The following KLRF1 variants were observed in gnomAD, a reference collection of about 807,000 sequenced individuals.
KLRF1 encodes the protein killer cell lectin like receptor F1.
KLRF1 carries 27 observed loss-of-function variants against 30.7 expected under a neutral mutation model. The ratio of observed to expected loss-of-function variants is 0.88; its 90% CI spans 0.65 to 1.21. The LOEUF is 1.21. Among genes scored for constraint, KLRF1 ranks in the 50% most tolerant of loss-of-function variants. The pLI, the probability that KLRF1 is intolerant of heterozygous loss-of-function variation, is 0.00. For synonymous variants in KLRF1, 92 were observed against 89.3 expected (o/e 1.03, Z -0.17); for missense variants, 246 against 259.3 (o/e 0.95, Z 0.35).
chr12:9,839,538 C>A (rs1339885627), intron 3 of KLRF1, among the ~76,000 whole-genome samples: 1 of 151,832 alleles, frequency 6.6e-6, no homozygotes, highest in Non-Finnish European at 1.5e-5. Context: ...AAAACACAAC[C>A]CAGTTTAAAA....
At chr12:9,821,934 G>A in the KLRF1 span, among the ~76,000 whole-genome samples, 1 of 152,148 alleles carries the variant, frequency 6.6e-6, no homozygotes, top group Non-Finnish European at 1.5e-5. Flanking sequence ...TCCACTATGA[G>A]ACCAAAGACA....
intron 4 of KLRF1, 46 bp from the exon 5 acceptor site, chr12:9,842,275 A>G: frequency 6.2e-7 from 1 of 1,601,600 alleles, no homozygotes; most frequent in South Asian, 1.1e-5. Context: ...AGTGTGTCTG[A>G]ATTGCTAAAA....
In KLRF1 at chr12:9,827,633, T is replaced by A. The variant is rs1047788414; in HGVS notation, c.85+4T>A. The A allele has an allele frequency of 5.7e-6, 9 of 1,573,060 alleles. No homozygotes were observed. The highest frequency in any genetic ancestry group is 7.9e-6 in the Non-Finnish European group (9 of 1,145,278). Reference sequence around the variant, plus strand: ...ACATCTCAACTTACATTTAAAGGTATGGAATTTAATTTCATTTTTTCAATT... The same window carrying A: ...ACATCTCAACTTACATTTAAAGGTAAGGAATTTAATTTCATTTTTTCAATT... On this transcript the variant is annotated splice_donor_region_variant and intron_variant, in intron 1 of 5. Transcript: ENST00000617889.
Position 9,833,858 on chromosome 12 carries a change from T to C in KLRF1, c.334+406T>C, listed in dbSNP as rs1867505018. On this transcript the variant is annotated intron_variant, in intron 3 of 5. Coordinates refer to ENST00000617889, the MANE Select transcript of KLRF1 (RefSeq NM_016523.3). The stretch of plus-strand genomic sequence containing the variant: ...CTTTTAAGCTTAGAAATTCCAGTCA[T>C]ACAGAATTTTGAAAACATTACCTTC... 4.6e-5 allele frequency among the ~76,000 whole-genome samples: 7 copies of C among 150,688 alleles called. No homozygotes were observed. The South Asian group carries it at 1.5e-3, about 32-fold the overall frequency.
At chr12:9,838,150 G>T (rs113745128) in intron 3 of KLRF1, among the ~76,000 whole-genome samples, 1 of 152,146 alleles carries the variant, frequency 6.6e-6, no homozygotes, top group African/African-American at 2.4e-5. Context: ...TCCATGAACG[G>T]CAGGATCCTG....
At chr12:9,816,516 G>A in the KLRF1 span, among the ~76,000 whole-genome samples, 31,947 of 151,244 alleles carry the variant, frequency 0.21, 3,570 homozygotes, top group South Asian at 0.28. Context: ...TCAATACCCT[G>A]GTTAGCCAGT....
the KLRF1 span, chr12:9,817,611 G>A: frequency 3.3e-6 from 1 of 301,242 alleles, no homozygotes; most frequent in Non-Finnish European, 6.8e-6. Context: ...CTTCTTTGAA[G>A]GTCCACGGTT....
chr12:9,833,419 G>A lies in KLRF1; in HGVS notation c.301G>A (p.Asp101Asn). The A allele has an allele frequency of 1.2e-6, 2 of 1,611,220 alleles. No homozygotes were observed. Among genetic ancestry groups the A allele is most frequent in the Non-Finnish European group, 1.7e-6 (2 of 1,178,638 alleles). ...CACAAGAAGAAATATAAGTAATAAG[G>A]ACCTTTGTGCTTCGAGATCTGCAGA... ...NGTRRNISNK[D>N]LCASRSADQT... Residue 101 changes from aspartate to asparagine, a missense_variant, in exon 3 of 6, where the codon GAC becomes AAC. Asp to Asn is a conservative substitution (Grantham distance 23). Coordinates refer to ENST00000617889, the MANE Select transcript of KLRF1 (RefSeq NM_016523.3).
chr12:9,833,401 AG>A lies in KLRF1; in HGVS notation c.284del (p.Arg95LysfsTer3). 1 of 1,612,548 alleles carries A rather than the reference AG, an allele frequency of 6.2e-7. No individual in the cohort carries two copies. The highest frequency in any genetic ancestry group is 2.2e-5 in the East Asian group (1 of 44,776). ...GDLKVNNGTR[R>X]NISNKDLCAS... ...TCTAAAAGTGAATAATGGCACAAGAAGAAATATAAGTAATAAGGACCTTTGT... is the reference window on the plus strand; with the variant it reads ...TCTAAAAGTGAATAATGGCACAAGAAAAATATAAGTAATAAGGACCTTTGT... On this transcript the variant is annotated frameshift_variant, in exon 3 of 6. Transcript: ENST00000617889. LOFTEE classifies it high-confidence loss of function.
At chr12:9,833,577 C>A in intron 3 of KLRF1, 125 bp downstream of exon 3, 1 of 759,106 alleles carries the variant, frequency 1.3e-6, no homozygotes, top group Non-Finnish European at 1.9e-6. Context: ...GTCTACTTTT[C>A]ATTCAAAACT....
chr12:9,833,912 T>TTTTTTTTTTTTTTC (rs1369110201), intron 3 of KLRF1, among the ~76,000 whole-genome samples: 5 of 147,686 alleles, frequency 3.4e-5, no homozygotes, highest in African/African-American at 1.3e-4. Context: ...TTTTTTTTTT[T>TTTTTTTTTTTTTTC]TTTTTTTTTT....
chr12:9,840,948 G>A (rs1297858910), intron 3 of KLRF1, among the ~76,000 whole-genome samples: 1 of 151,976 alleles, frequency 6.6e-6, no homozygotes, highest in African/African-American at 2.4e-5. Flanking sequence ...CCCATTACTG[G>A]GTATATACCC....
rs753274719 is a variant in KLRF1, at chr12:9,842,422, A to G, written c.576A>G (p.Ile192Met). ...MTWTWVDGSP[I>M]DSKIFFIKGP... The stretch of plus-strand genomic sequence containing the variant: ...GGACTTGGGTGGATGGTTCTCCAAT[A>G]GATTCAAAGATGTGAGTCTTTCTTA... Residue 192 changes from isoleucine to methionine, a missense_variant, in exon 5 of 6, where the codon ATA (isoleucine) becomes ATG (methionine). Physicochemically the swap from Ile to Met is conservative, Grantham distance 10 (BLOSUM62 1). Transcript: ENST00000617889. 1 of 1,611,794 alleles carries G rather than the reference A, an allele frequency of 6.2e-7. No individual in the cohort carries two copies. The highest frequency in any genetic ancestry group is 2.2e-5 in the East Asian group (1 of 44,742).
chr12:9,826,152 T>C (rs796407773), upstream of KLRF1, among the ~76,000 whole-genome samples: 28 of 152,294 alleles, frequency 1.8e-4, no homozygotes, highest in African/African-American at 5.8e-4. Flanking sequence ...GGAGTACATG[T>C]GCAAATTTGT....
upstream of KLRF1, among the ~76,000 whole-genome samples, chr12:9,825,540 C>T (rs768069642): frequency 6.6e-6 from 1 of 152,044 alleles, no homozygotes; most frequent in African/African-American, 2.4e-5. Context: ...ATGTCTAAAA[C>T]CCCAAAATAT....
upstream of KLRF1, among the ~76,000 whole-genome samples, chr12:9,822,831 G>C (rs185113795): frequency 6.6e-6 from 1 of 152,094 alleles, no homozygotes; most frequent in East Asian, 1.9e-4. Flanking sequence ...CCTAATTTCA[G>C]ACAAAACAGA....
At position 9,827,622 on chromosome 12, in the gene KLRF1, A is replaced by G; in HGVS notation, c.78A>G (p.Thr26=). The change falls in exon 1 of 6, where the codon ACA becomes ACG. Residue 26 remains threonine, a synonymous_variant. Coordinates refer to ENST00000617889, the MANE Select transcript of KLRF1 (RefSeq NM_016523.3). ...KRSSAQTSQL[T]FKDYSVTLHW... Reference sequence around the variant, plus strand: ...GTTCTGCCCAAACATCTCAACTTACATTTAAAGGTATGGAATTTAATTTCA... The same window carrying G: ...GTTCTGCCCAAACATCTCAACTTACGTTTAAAGGTATGGAATTTAATTTCA... 6.3e-7 allele frequency: 1 copy of G among 1,586,448 alleles called. No homozygotes were observed. The highest frequency in any genetic ancestry group is 1.1e-5 in the South Asian group (1 of 90,146).
At chr12:9,817,669 C>T in the KLRF1 span, 4 of 255,094 alleles carry the variant, frequency 1.6e-5, no homozygotes, top group South Asian at 4.8e-5. Flanking sequence ...TTGGTCTTTG[C>T]CTTCCTCTTC....
the KLRF1 span, among the ~76,000 whole-genome samples, chr12:9,803,527 G>T: frequency 6.6e-6 from 1 of 151,806 alleles, no homozygotes; most frequent in Non-Finnish European, 1.5e-5. Context: ...TTTATTTTAA[G>T]TTTTATTCTA....
Sources: allele counts gnomAD v4.1 joint callset (sites outside exome capture counted in the v4.1 genomes callset), GRCh38; gene constraint gnomAD v4.1.1; transcripts MANE v1.5; gene names NCBI Gene and HGNC (gene_info 2026-07-23, HGNC 2026-07-21).